The following OPCML variants were observed in gnomAD, a reference collection of about 807,000 sequenced individuals.
The protein encoded by OPCML is opioid binding protein/cell adhesion molecule like, also known as opioid-binding protein/cell adhesion molecule.
A neutral mutation model predicts 37.8 loss-of-function variants in OPCML; 13 were observed. The ratio of observed to expected loss-of-function variants is 0.34; its 90% CI spans 0.22 to 0.55. The LOEUF (loss-of-function observed/expected upper bound fraction) is 0.55. OPCML is among the 20% of genes least tolerant of loss of function. OPCML has a pLI of 0.91. For synonymous variants in OPCML, 176 were observed against 168.8 expected (o/e 1.04, Z -0.33); for missense variants, 341 against 435.6 (o/e 0.78, Z 1.93).
intron 2 of OPCML, among the ~76,000 whole-genome samples, chr11:132,807,747 G>C (rs747928927): frequency 1.3e-5 from 2 of 152,268 alleles, no homozygotes; most frequent in Non-Finnish European, 2.9e-5. Context: ...ACTCTTTTCT[G>C]TTAGATGCTC....
chr11:132,665,539 T>C (rs1009405616), intron 2 of OPCML, among the ~76,000 whole-genome samples: 1 of 152,144 alleles, frequency 6.6e-6, no homozygotes, highest in Non-Finnish European at 1.5e-5. Flanking sequence ...TGCTTACAAC[T>C]ACAGAAGTGG....
intron 4 of OPCML, among the ~76,000 whole-genome samples, chr11:132,490,837 A>T (rs1244826676): frequency 6.6e-6 from 1 of 151,872 alleles, no homozygotes; most frequent in East Asian, 1.9e-4. Context: ...AAAAAAAAGA[A>T]ATGAAGAACC....
chr11:133,027,079 CTG>C (rs957323135), intron 1 of OPCML, among the ~76,000 whole-genome samples: 1 of 152,198 alleles, frequency 6.6e-6, no homozygotes, highest in Non-Finnish European at 1.5e-5. Context: ...CTCACTAGCT[CTG>C]TGACCTTCAG....
At chr11:132,660,200 T>C (rs557702149) in intron 2 of OPCML, among the ~76,000 whole-genome samples, 1 of 152,256 alleles carries the variant, frequency 6.6e-6, no homozygotes, top group African/African-American at 2.4e-5. Context: ...TGAGATGGAG[T>C]TCAGGATCAA....
intron 2 of OPCML, among the ~76,000 whole-genome samples, chr11:132,788,063 T>C (rs757534098): frequency 2.7e-4 from 41 of 152,278 alleles, no homozygotes; most frequent in Middle Eastern, 3.4e-3. Context: ...GTATTTTTAG[T>C]AGAGATGGGG....
In OPCML at chr11:133,499,465, G is replaced by A. The variant is rs189078626; in HGVS notation, c.61+32799C>T. Among the ~76,000 whole-genome samples the A allele has an allele frequency of 2.8e-3, 432 of 152,092 alleles. 1 individual carries two copies. Among genetic ancestry groups the A allele is most frequent in the Non-Finnish European group, 5.0e-3 (340 of 67,990 alleles). On this transcript the variant is annotated intron_variant, in intron 1 of 7. Coordinates refer to ENST00000524381, the MANE Select transcript of OPCML (RefSeq NM_001012393.5). The stretch of plus-strand genomic sequence containing the variant: ...ATGATCCCTGGCCTCCCCTCCTGTG[G>A]GGGAGAAATGGAACCTTAACCCCTT...
rs909738944 is a variant in OPCML, at chr11:132,599,156, A to G, written c.379+57931T>C. On this transcript the variant is annotated intron_variant, in intron 3 of 7. Transcript: ENST00000524381. ...TAGCCAGGAGTGGTGGCATATGCCT[A>G]TAATCCCAGCTACTCGGGAACAAGT... Among the ~76,000 whole-genome samples, 6 of 152,122 alleles carry G rather than the reference A, an allele frequency of 3.9e-5. No homozygotes were observed. The East Asian group carries it at 1.2e-3, about 30-fold the overall frequency.
At chr11:133,124,564 A>C (rs497481) in intron 1 of OPCML, among the ~76,000 whole-genome samples, 110,231 of 151,974 alleles carry the variant, frequency 0.73, 40,180 homozygotes, top group East Asian at 0.8. Context: ...GCTGAGCATC[A>C]CCAGAGGGCA....
intron 1 of OPCML, among the ~76,000 whole-genome samples, chr11:133,415,359 G>A (rs1047486161): frequency 4.6e-5 from 7 of 151,706 alleles, no homozygotes; most frequent in Non-Finnish European, 8.8e-5. Context: ...GCAGTGAGCC[G>A]AGATAGTGCC....
At chr11:133,492,416 C>T (rs370733422) in intron 1 of OPCML, among the ~76,000 whole-genome samples, 1 of 152,106 alleles carries the variant, frequency 6.6e-6, no homozygotes, top group East Asian at 1.9e-4. Context: ...ACTTTTTCTA[C>T]CCTTGATAAC....
At chr11:132,626,698 A>T (rs1452694155) in intron 3 of OPCML, among the ~76,000 whole-genome samples, 1 of 34,826 alleles carries the variant, frequency 2.9e-5, no homozygotes, top group Non-Finnish European at 8.9e-5. Flanking sequence ...GAGCCTTTAA[A>T]AAAAAAAAAC....
chr11:132,690,913 A>G lies in OPCML; in HGVS notation c.147-33594T>C, dbSNP rs148718969. Among the ~76,000 whole-genome samples, 704 of 152,344 alleles carry G rather than the reference A, an allele frequency of 4.6e-3. 3 individuals carry two copies. The highest frequency in any genetic ancestry group is 0.016 in the African/African-American group (652 of 41,582). The stretch of plus-strand genomic sequence containing the variant: ...AAGAAATTAAGAGATTCCATATAGA[A>G]AAGTGCAATTGTATAAAGAAAACAT... On this transcript the variant is annotated intron_variant, in intron 2 of 7. Transcript: ENST00000524381.
intron 2 of OPCML, among the ~76,000 whole-genome samples, chr11:132,696,436 G>A (rs989605893): frequency 2.0e-5 from 3 of 151,996 alleles, no homozygotes; most frequent in Non-Finnish European, 2.9e-5. Flanking sequence ...GAAGAAACAG[G>A]GAACAGGAGA....
intron 1 of OPCML, among the ~76,000 whole-genome samples, chr11:132,996,454 T>TAAA (rs530006546): frequency 3.0e-5 from 4 of 132,822 alleles, no homozygotes; most frequent in Admixed American, 7.5e-5. Flanking sequence ...CCATCTCTAC[T>TAAA]AAAAAAAAAA....
rs148620025 is a variant in OPCML, at chr11:133,525,688, C to T, written c.61+6576G>A. Among the ~76,000 whole-genome samples the T allele has an allele frequency of 7.1e-4, 108 of 152,260 alleles. 1 individual carries two copies. The highest frequency in any genetic ancestry group is 3.4e-3 in the Middle Eastern group (1 of 294). ...AGTAACTCCCAAGTGTGGTAAAACA[C>T]CATTTGTAAATTCCCCAGGAATAAA... On this transcript the variant is annotated intron_variant, in intron 1 of 7. Coordinates refer to ENST00000524381, the MANE Select transcript of OPCML (RefSeq NM_001012393.5).
At chr11:132,572,980 A>T (rs2096442022) in intron 3 of OPCML, among the ~76,000 whole-genome samples, 1 of 151,858 alleles carries the variant, frequency 6.6e-6, no homozygotes, top group Non-Finnish European at 1.5e-5. Context: ...AGTTAAGTTT[A>T]TTCCCAAGTA....
Position 132,452,551 on chromosome 11 carries a change from T to G in OPCML, c.506-15192A>C, listed in dbSNP as rs758474271. Among the ~76,000 whole-genome samples the G allele has an allele frequency of 1.9e-4, 28 of 147,592 alleles. 1 individual carries two copies. Among genetic ancestry groups the G allele is most frequent in the East Asian group, 6.5e-4 (3 of 4,596 alleles). ...TTTCAGCCTGCCTGCCTGCCTGCCT[T>G]CCTTTTTTCCTTCCTTCCTGCCTGC... On this transcript the variant is annotated intron_variant, in intron 4 of 7. Transcript: ENST00000524381.
At chr11:132,715,420 C>T (rs1410522620) in intron 2 of OPCML, among the ~76,000 whole-genome samples, 1 of 152,182 alleles carries the variant, frequency 6.6e-6, no homozygotes, top group Non-Finnish European at 1.5e-5. Context: ...TTATCCTCAG[C>T]TCTGCTACTG....
intron 4 of OPCML, among the ~76,000 whole-genome samples, chr11:132,441,166 T>G (rs1466265573): frequency 1.6e-5 from 1 of 62,476 alleles, no homozygotes; most frequent in South Asian, 7.2e-4. Context: ...GACTTTTTTG[T>G]TTTTTTTTTT....
Sources: gnomAD v4.1 joint callset for allele counts (sites outside exome capture counted in the v4.1 genomes callset) on GRCh38, gnomAD v4.1.1 for gene constraint, MANE v1.5 for transcripts, NCBI Gene and HGNC (gene_info 2026-07-23, HGNC 2026-07-21) for gene names.